The following WDFY3 variants were observed in gnomAD, a reference collection of about 807,000 sequenced individuals.
The protein encoded by WDFY3 is WD repeat and FYVE domain containing 3.
WDFY3 carries 66 observed loss-of-function variants against 409.6 expected under a neutral mutation model. The ratio of observed to expected loss-of-function variants is 0.16; its 90% confidence interval spans 0.13 to 0.20. The LOEUF is 0.20. Ranked by LOEUF, WDFY3 falls within the 10% of genes least tolerant of loss-of-function variation. The probability of loss-of-function intolerance (pLI) is 1.00; values close to 1 mark genes in which losing one functional copy is unlikely to be tolerated. For synonymous variants in WDFY3, 1,521 were observed against 1,537.1 expected (o/e 0.99, Z 0.25); for missense variants, 3,031 against 4,298.1 (o/e 0.71, Z 8.24).
At chr4:84,862,694 ATTT>A (rs199974405) in intron 3 of WDFY3, among the ~76,000 whole-genome samples, 1 of 150,616 alleles carries the variant, frequency 6.6e-6, no homozygotes. Flanking sequence ...TTCAAAAAAA[ATTT>A]TTTTTTTCTG....
In WDFY3 at chr4:84,808,325, G is replaced by A. The variant is rs1015343010; in HGVS notation, c.2429+9C>T. Reference sequence around the variant, plus strand: ...AAATAGAGACTGACTTCTCTTATATGATCAGTACCTTTTCCTGGACAAAGC... The same window carrying A: ...AAATAGAGACTGACTTCTCTTATATAATCAGTACCTTTTCCTGGACAAAGC... On this transcript the variant is annotated intron_variant, in intron 15 of 67. Coordinates refer to ENST00000295888, the MANE Select transcript of WDFY3 (RefSeq NM_014991.6). The A allele has an allele frequency of 6.2e-7, 1 of 1,610,746 alleles. No individual in the cohort carries two copies. The highest frequency in any genetic ancestry group is 1.3e-5 in the African/African-American group (1 of 74,956).
At chr4:84,798,329 C>T (rs1003112803) in intron 17 of WDFY3, among the ~76,000 whole-genome samples, 5 of 151,740 alleles carry the variant, frequency 3.3e-5, no homozygotes, top group Non-Finnish European at 7.4e-5. Flanking sequence ...GTTATTCCTT[C>T]GTTGAGAATA....
intron 5 of WDFY3, among the ~76,000 whole-genome samples, chr4:84,842,613 T>C (rs1011278480): frequency 6.6e-6 from 1 of 151,942 alleles, no homozygotes. Context: ...AAACCCCATC[T>C]CTACTAAAAA....
chr4:84,759,458 T>C (rs1742102807), intron 32 of WDFY3, among the ~76,000 whole-genome samples: 1 of 151,988 alleles, frequency 6.6e-6, no homozygotes, highest in Admixed American at 6.6e-5. Flanking sequence ...CTTCCATTTG[T>C]TTGTATCCTC....
chr4:84,782,545 T>C (rs1284134970), intron 25 of WDFY3, among the ~76,000 whole-genome samples: 1 of 152,124 alleles, frequency 6.6e-6, no homozygotes, highest in Non-Finnish European at 1.5e-5. Flanking sequence ...CTTGGCCCAC[T>C]TCCCCTGACA....
intron 32 of WDFY3, among the ~76,000 whole-genome samples, chr4:84,758,133 A>AGTACACAGT (rs1260908154): frequency 3.9e-5 from 6 of 152,246 alleles, no homozygotes; most frequent in African/African-American, 1.4e-4. Context: ...GGAAGTACTC[A>AGTACACAGT]GTACACAGTG....
chr4:84,813,037 C>T (rs1435513092), intron 13 of WDFY3, among the ~76,000 whole-genome samples: 1 of 152,020 alleles, frequency 6.6e-6, no homozygotes. Flanking sequence ...ATTTCCATGA[C>T]ATGTCATGGA....
chr4:84,960,844 C>A (rs562797582), intron 1 of WDFY3, among the ~76,000 whole-genome samples: 70 of 152,262 alleles, frequency 4.6e-4, no homozygotes, highest in African/African-American at 1.5e-3. Flanking sequence ...TCCAACGGGG[C>A]AACCCAGTAT....
intron 1 of WDFY3, among the ~76,000 whole-genome samples, chr4:84,945,414 C>T (rs932240747): frequency 1.3e-5 from 2 of 152,196 alleles, no homozygotes; most frequent in Non-Finnish European, 2.9e-5. Flanking sequence ...TTTGTCTCTG[C>T]CAGCACCACC....
intron 2 of WDFY3, among the ~76,000 whole-genome samples, chr4:84,901,828 A>G (rs1454702635): frequency 1.3e-5 from 2 of 152,180 alleles, no homozygotes; most frequent in Admixed American, 1.3e-4. Context: ...GGAACATTAA[A>G]TCAATAACCC....
chr4:84,747,371 G>C (rs1430378580), intron 36 of WDFY3, among the ~76,000 whole-genome samples: 1 of 152,162 alleles, frequency 6.6e-6, no homozygotes, highest in African/African-American at 2.4e-5. Context: ...ACTGTAGTCT[G>C]CCTGTTGACT....
intron 44 of WDFY3, among the ~76,000 whole-genome samples, chr4:84,727,219 G>A (rs1304943485): frequency 1.3e-5 from 2 of 151,830 alleles, no homozygotes; most frequent in African/African-American, 4.8e-5. Context: ...TGATTTACAG[G>A]CAACTCTTTA....
intron 3 of WDFY3, among the ~76,000 whole-genome samples, chr4:84,887,208 A>C (rs144674314): frequency 1.9e-4 from 29 of 152,318 alleles, no homozygotes; most frequent in African/African-American, 7.0e-4. Context: ...TATACCAGGG[A>C]AACACAGGAA....
intron 47 of WDFY3, among the ~76,000 whole-genome samples, chr4:84,720,311 G>C (rs545213621): frequency 1.3e-5 from 2 of 152,256 alleles, no homozygotes; most frequent in South Asian, 4.1e-4. Flanking sequence ...GTCAAAAAAA[G>C]CTTCCTATGT....
intron 27 of WDFY3, among the ~76,000 whole-genome samples, chr4:84,776,029 T>C (rs967697612): frequency 1.3e-5 from 2 of 152,020 alleles, no homozygotes; most frequent in Non-Finnish European, 2.9e-5. Context: ...AAGAATGCTA[T>C]AAATACTATA....
intron 19 of WDFY3, among the ~76,000 whole-genome samples, chr4:84,795,752 ACT>A (rs946326644): frequency 6.6e-5 from 10 of 151,142 alleles, no homozygotes; most frequent in African/African-American, 2.2e-4. Context: ...ACAGGGCAAG[ACT>A]CTGACTCAAA....
chr4:84,687,024 T>C (rs1425148233), intron 62 of WDFY3, among the ~76,000 whole-genome samples: 2 of 152,274 alleles, frequency 1.3e-5, no homozygotes, highest in Admixed American at 6.5e-5. Context: ...TGATAACTTC[T>C]GGATCTGTTT....
In WDFY3 at chr4:84,774,934, G is replaced by A; in HGVS notation, c.4640C>T (p.Pro1547Leu). Residue 1547 changes from proline (P) to leucine (L), a missense_variant, in exon 29 of 68, where the codon CCA becomes CTA. Physicochemically the swap from Pro to Leu is moderately conservative, Grantham distance 98. Around this residue, in one of 16 missense-constraint regions of WDFY3, gnomAD observed 342 missense variants for 463.7 expected, o/e 0.74. Coordinates refer to ENST00000295888, the MANE Select transcript of WDFY3 (RefSeq NM_014991.6). ...ATCTCGAAGAGTCAGGAGCAGCTTT[G>A]GGATTAACTGGAATTCTCTCATTAA... ...AKLMREFQLI[P>L]KLLLTLRDMS... The A allele has an allele frequency of 6.2e-7, 1 of 1,613,892 alleles. No homozygotes were observed. Among genetic ancestry groups the A allele is most frequent in the East Asian group, 2.2e-5 (1 of 44,844 alleles).
At chr4:84,880,688 T>C (rs1464908825) in intron 3 of WDFY3, among the ~76,000 whole-genome samples, 492 of 38,456 alleles carry the variant, frequency 0.013, 11 homozygotes, top group Middle Eastern at 0.068. Context: ...TATATATATA[T>C]ATATATATAT....
Sources: gnomAD v4.1 joint callset for allele counts (sites outside exome capture counted in the v4.1 genomes callset) on GRCh38, gnomAD v4.1.1 for gene constraint, gnomAD v4.1.1 regional missense constraint, MANE v1.5 for transcripts, NCBI Gene and HGNC (gene_info 2026-07-23, HGNC 2026-07-21) for gene names.